The following HRH1 variants were observed in gnomAD, a reference collection of about 807,000 sequenced individuals.
The protein encoded by HRH1 is histamine H1 receptor.
Under a neutral mutation model 10.3 loss-of-function variants are expected in HRH1, and 6 were observed. That is an observed-to-expected ratio of 0.58 (90% CI 0.32 to 1.15). The LOEUF is 1.15. Ranked by LOEUF, HRH1 falls within the 50% of genes most tolerant of loss-of-function variation. The pLI is 0.05. For missense variants in HRH1, 514 were observed against 615.3 expected (o/e 0.84, Z 1.74); for synonymous variants, 242 against 236.7 (o/e 1.02, Z -0.21).
intron 1 of HRH1, among the ~76,000 whole-genome samples, chr3:11,169,487 A>G (rs571313455): frequency 2.0e-5 from 3 of 152,226 alleles, no homozygotes; most frequent in Admixed American, 6.5e-5. Context: ...CCAGCTCACT[A>G]TAACAGGGAG....
At chr3:11,148,610 G>A (rs531554334) in intron 1 of HRH1, among the ~76,000 whole-genome samples, 31 of 151,732 alleles carry the variant, frequency 2.0e-4, no homozygotes, top group Non-Finnish European at 3.2e-4. Flanking sequence ...TTACATCTAC[G>A]TTCCAAGCAG....
At position 11,260,305 on chromosome 3, in the gene HRH1, C is replaced by T. The variant is rs1264074316; in HGVS notation, c.1268C>T (p.Ala423Val). The T allele has an allele frequency of 1.2e-6, 2 of 1,613,332 alleles. No homozygotes were observed. Among genetic ancestry groups the T allele is most frequent in the Admixed American group, 3.3e-5 (2 of 60,006 alleles). The change falls in exon 2 of 2, where the codon GCC becomes GTC. Residue 423 changes from alanine to valine, a missense_variant. Transcript: ENST00000431010. ...AAKQLGFIMA[A>V]FILCWIPYFI... ...AAACAGTTGGGTTTTATCATGGCAG[C>T]CTTCATCCTCTGCTGGATCCCTTAT...
At chr3:11,221,890 T>C (rs1372525237) in intron 1 of HRH1, among the ~76,000 whole-genome samples, 1 of 152,222 alleles carries the variant, frequency 6.6e-6, no homozygotes, top group East Asian at 1.9e-4. Flanking sequence ...CAGAATGTCC[T>C]CAAGGTTCAT....
At chr3:11,151,596 C>A (rs527881037), upstream of HRH1, among the ~76,000 whole-genome samples, 3 of 152,266 alleles carry the variant, frequency 2.0e-5, 1 homozygote, top group South Asian at 6.2e-4. Context: ...CCCCTGGGTT[C>A]AAGCAATCCT....
At chr3:11,204,617 G>C (rs1445460017) in intron 1 of HRH1, among the ~76,000 whole-genome samples, 1 of 152,106 alleles carries the variant, frequency 6.6e-6, no homozygotes, top group Non-Finnish European at 1.5e-5. Context: ...AAAAAGGGAG[G>C]GCATGGAGAA....
At chr3:11,191,688 T>C (rs1365194518) in intron 1 of HRH1, among the ~76,000 whole-genome samples, 1 of 152,238 alleles carries the variant, frequency 6.6e-6, no homozygotes, top group Non-Finnish European at 1.5e-5. Context: ...ACATCATTGC[T>C]AATAAACTAG....
At chr3:11,205,247 G>A (rs1022973683) in intron 1 of HRH1, among the ~76,000 whole-genome samples, 6 of 152,056 alleles carry the variant, frequency 3.9e-5, no homozygotes, top group Non-Finnish European at 7.4e-5. Flanking sequence ...TAAATAGAAC[G>A]CATTGTACGG....
intron 1 of HRH1, among the ~76,000 whole-genome samples, chr3:11,148,718 T>A (rs1276939694): frequency 6.6e-6 from 1 of 151,964 alleles, no homozygotes; most frequent in Non-Finnish European, 1.5e-5. Flanking sequence ...CAGAATTTGG[T>A]CACGTGGCTG....
At position 11,258,985 on chromosome 3, in the gene HRH1, TTC is replaced by T; in HGVS notation, c.-35-12_-35-11del. 6.5e-7 allele frequency: 1 copy of T among 1,527,228 alleles called. No individual in the cohort carries two copies. The highest frequency in any genetic ancestry group is 2.3e-5 in the East Asian group (1 of 44,274). The allele number at this position is 1,527,228 out of a possible 1,614,324, so 94.6% of individuals were successfully genotyped here. A position where few individuals can be genotyped will look rare whatever the true frequency, so the allele number is the denominator to read the frequency against. On this transcript the variant is annotated splice_polypyrimidine_tract_variant and intron_variant, in intron 1 of 1. Transcript: ENST00000431010. ...TCACCCAAGTCTCTGACCTTACTTT[TTC>T]TCTCTTTTCTCCCAGGGAGTGAGCC...
At position 11,230,410 on chromosome 3, in the gene HRH1, C is replaced by A. The variant is rs142141985; in HGVS notation, c.-35-28593C>A. ...AGCTATTAAAAAACAGAGTCATCGG[C>A]ACCAGTCCAGACCTACTGGATCCTA... On this transcript the variant is annotated intron_variant, in intron 1 of 1. Transcript: ENST00000431010. 3.9e-5 allele frequency among the ~76,000 whole-genome samples: 6 copies of A among 152,332 alleles called. No individual in the cohort carries two copies. In the East Asian group the frequency reaches 1.2e-3, roughly 29 times the overall value.
At chr3:11,188,824 G>A (rs1248093052) in intron 1 of HRH1, among the ~76,000 whole-genome samples, 3 of 152,112 alleles carry the variant, frequency 2.0e-5, no homozygotes, top group Non-Finnish European at 4.4e-5. Context: ...AGCCAAAACG[G>A]CATCATCCTA....
rs114794750 is a variant in HRH1 at position 11,254,109 on chromosome 3, T to G, written c.-35-4894T>G. 9.3e-3 allele frequency among the ~76,000 whole-genome samples: 1,414 copies of G among 152,284 alleles called. 29 individuals carry two copies. The highest frequency in any genetic ancestry group is 0.032 in the African/African-American group (1,339 of 41,546). On this transcript the variant is annotated intron_variant, in intron 1 of 1. Transcript: ENST00000431010. ...AGGGTATATTATCATGATCATGATATTTCCTATCTTTTGTCTTACTTGCTG... is the reference window on the plus strand; with the variant it reads ...AGGGTATATTATCATGATCATGATAGTTCCTATCTTTTGTCTTACTTGCTG...
chr3:11,214,389 G>A (rs1264120286), intron 1 of HRH1, among the ~76,000 whole-genome samples: 1 of 152,180 alleles, frequency 6.6e-6, no homozygotes, highest in Non-Finnish European at 1.5e-5. Context: ...TATGATTCTG[G>A]TATTGAGGTC....
upstream of HRH1, among the ~76,000 whole-genome samples, chr3:11,153,329 A>G (rs1248035089): frequency 6.6e-6 from 1 of 152,138 alleles, no homozygotes; most frequent in African/African-American, 2.4e-5. Flanking sequence ...CCCTGTCTTT[A>G]TGAACCCTTG....
intron 1 of HRH1, among the ~76,000 whole-genome samples, chr3:11,223,476 G>A (rs1938781446): frequency 6.8e-6 from 1 of 146,304 alleles, no homozygotes; most frequent in Admixed American, 6.9e-5. Flanking sequence ...TCCAGCCTGG[G>A]CGACAGAGCG....
chr3:11,167,249 A>C (rs1282822337), intron 1 of HRH1, among the ~76,000 whole-genome samples: 57 of 83,142 alleles, frequency 6.9e-4, no homozygotes, highest in African/African-American at 1.3e-3. Flanking sequence ...TGTCCCCTGC[A>C]TTCTCCAGGC....
At chr3:11,166,361 T>C (rs2125010530) in intron 1 of HRH1, among the ~76,000 whole-genome samples, 1 of 152,320 alleles carries the variant, frequency 6.6e-6, no homozygotes, top group East Asian at 1.9e-4. Flanking sequence ...ATAACTCTCC[T>C]CTATTCTCCA....
At chr3:11,162,866 T>A (rs1345579267) in intron 1 of HRH1, among the ~76,000 whole-genome samples, 1 of 152,146 alleles carries the variant, frequency 6.6e-6, no homozygotes, top group Non-Finnish European at 1.5e-5. Context: ...TTTTGTTTTG[T>A]TTTGTTTTTT....
Position 11,260,517 on chromosome 3 carries a change from G to A in HRH1, c.*16G>A. On this transcript the variant is annotated 3_prime_UTR_variant, in exon 2 of 2. Coordinates refer to ENST00000431010, the MANE Select transcript of HRH1 (RefSeq NM_001098212.2). ...TCGCTCCTAAGGGAGGCTCTGAGGG[G>A]ATGCAACAAAATGATCCTTATGATG... 6.4e-7 allele frequency: 1 copy of A among 1,556,136 alleles called. No homozygotes were observed.
Sources: gnomAD v4.1 joint callset for allele counts (sites outside exome capture counted in the v4.1 genomes callset) on GRCh38, gnomAD v4.1.1 for gene constraint, MANE v1.5 for transcripts, NCBI Gene and HGNC (gene_info 2026-07-23, HGNC 2026-07-21) for gene names.